MPPED2: variants seen among roughly 807,000 people sequenced by gnomAD.
The protein encoded by MPPED2 is metallophosphoesterase MPPED2.
MPPED2 carries 5 observed loss-of-function variants against 33.0 expected under a neutral mutation model. The ratio of observed to expected loss-of-function variants is 0.15; its 90% CI spans 0.08 to 0.32. The LOEUF (loss-of-function observed/expected upper bound fraction) is 0.32, where lower values mean the gene tolerates loss of function less well. Ranked by LOEUF, MPPED2 falls within the 10% of genes least tolerant of loss-of-function variation. The pLI, the probability that MPPED2 is intolerant of heterozygous loss-of-function variation, is 1.00. For synonymous variants in MPPED2, 136 were observed against 141.9 expected (o/e 0.96, Z 0.29); for missense variants, 275 against 372.1 (o/e 0.74, Z 2.15).
intron 2 of MPPED2, among the ~76,000 whole-genome samples, chr11:30,572,438 A>C (rs146567186): frequency 3.9e-5 from 6 of 152,282 alleles, no homozygotes; most frequent in African/African-American, 7.2e-5. Flanking sequence ...TTTAAGAATA[A>C]ATGAGAGAAG....
intron 4 of MPPED2, among the ~76,000 whole-genome samples, chr11:30,422,354 C>A (rs1948650507): frequency 6.6e-6 from 1 of 152,082 alleles, no homozygotes; most frequent in Non-Finnish European, 1.5e-5. Flanking sequence ...TCTAAAAATC[C>A]TAATATTTTA....
intron 6 of MPPED2, among the ~76,000 whole-genome samples, chr11:30,403,038 G>T (rs1008838157): frequency 6.6e-6 from 1 of 152,186 alleles, no homozygotes; most frequent in Non-Finnish European, 1.5e-5. Context: ...AAGGTCAGGA[G>T]ATCGAGACCA....
At chr11:30,397,601 A>T (rs776610028) in intron 6 of MPPED2, among the ~76,000 whole-genome samples, 5 of 152,154 alleles carry the variant, frequency 3.3e-5, no homozygotes, top group Non-Finnish European at 7.4e-5. Context: ...TAAATGCTTG[A>T]TAGTAGTAGC....
rs1394369711 is a variant in MPPED2, at chr11:30,580,351, T to C, written c.23A>G (p.Gln8Arg). The stretch of plus-strand genomic sequence containing the variant: ...ATCCACCGTTATGGTAACTTTGCCT[T>C]GAGAAGGAATCCCATGTGCCATCCT... MAHGIPS[Q>R]GKVTITVDEY... The change falls in exon 2 of 7, where the codon CAA becomes CGA. Residue 8 changes from glutamine to arginine, a missense_variant. By Grantham distance (43) the Gln-to-Arg change is conservative. Transcript: ENST00000358117. 2 of 1,614,048 alleles carry C rather than the reference T, an allele frequency of 1.2e-6. No homozygotes were observed. The highest frequency in any genetic ancestry group is 1.7e-5 in the Admixed American group (1 of 60,024).
intron 4 of MPPED2, among the ~76,000 whole-genome samples, chr11:30,485,667 T>A (rs1309533435): frequency 6.6e-6 from 1 of 152,172 alleles, no homozygotes; most frequent in Non-Finnish European, 1.5e-5. Context: ...AGAAGTTTTG[T>A]AGCCTAAGGA....
intron 2 of MPPED2, among the ~76,000 whole-genome samples, chr11:30,557,197 G>A (rs1322094079): frequency 2.9e-5 from 4 of 140,080 alleles, no homozygotes; most frequent in Middle Eastern, 6.8e-3. Flanking sequence ...AAGAATGACT[G>A]TGCCAAATAA....
At chr11:30,478,810 A>C (rs1160982474) in intron 4 of MPPED2, among the ~76,000 whole-genome samples, 2 of 152,118 alleles carry the variant, frequency 1.3e-5, no homozygotes, top group African/African-American at 4.8e-5. Flanking sequence ...ACAACGAAAC[A>C]CCTTAAATAA....
At chr11:30,391,964 C>A (rs569280198) in intron 6 of MPPED2, among the ~76,000 whole-genome samples, 2 of 152,178 alleles carry the variant, frequency 1.3e-5, no homozygotes, top group African/African-American at 4.8e-5. Flanking sequence ...AATTACCTCT[C>A]TAAGCCTCAG....
chr11:30,391,962 C>A (rs1947783597), intron 6 of MPPED2, among the ~76,000 whole-genome samples: 1 of 152,196 alleles, frequency 6.6e-6, no homozygotes, highest in African/African-American at 2.4e-5. Flanking sequence ...CAAATTACCT[C>A]TCTAAGCCTC....
At chr11:30,385,783 G>A (rs560120513) in exon 7 of MPPED2, 28 of 152,138 alleles carry the variant, frequency 1.8e-4, no homozygotes, top group African/African-American at 6.3e-4. Flanking sequence ...AGGTCTTCAA[G>A]TGGCTGCCTC....
chr11:30,536,300 G>T (rs1565162736), intron 2 of MPPED2, 125 bp from the exon 3 acceptor site: 1 of 791,620 alleles, frequency 1.3e-6, no homozygotes. Flanking sequence ...AGGCAGAAGG[G>T]CCCACTGTAA....
chr11:30,460,671 A>T (rs1489318503), intron 4 of MPPED2, among the ~76,000 whole-genome samples: 2 of 152,184 alleles, frequency 1.3e-5, no homozygotes, highest in African/African-American at 4.8e-5. Context: ...TAAAATTTTT[A>T]ATTTTAAATT....
chr11:30,481,966 T>C (rs1355350620), intron 4 of MPPED2, among the ~76,000 whole-genome samples: 4 of 152,128 alleles, frequency 2.6e-5, no homozygotes, highest in Non-Finnish European at 5.9e-5. Flanking sequence ...CTGTGAAATA[T>C]GTACATATGT....
intron 3 of MPPED2, among the ~76,000 whole-genome samples, chr11:30,531,907 G>A (rs762820224): frequency 2.6e-5 from 4 of 152,208 alleles, no homozygotes; most frequent in Non-Finnish European, 4.4e-5. Context: ...GTTTTACCCA[G>A]GATGTAGTTC....
At chr11:30,427,081 T>C (rs1171458486) in intron 4 of MPPED2, among the ~76,000 whole-genome samples, 2 of 152,186 alleles carry the variant, frequency 1.3e-5, no homozygotes, top group Admixed American at 1.3e-4. Context: ...CTGTGCCTCC[T>C]CTTCCCCATC....
intron 4 of MPPED2, among the ~76,000 whole-genome samples, chr11:30,461,544 C>T (rs1310497026): frequency 3.9e-5 from 6 of 152,132 alleles, no homozygotes; most frequent in Non-Finnish European, 7.3e-5. Flanking sequence ...TCCGTAGCTG[C>T]TGTGACTCAA....
At chr11:30,388,150 A>G (rs1269677779) in exon 7 of MPPED2, 1 of 152,456 alleles carries the variant, frequency 6.6e-6, no homozygotes. Flanking sequence ...CTATTAGAAG[A>G]TAAGCTTTGT....
chr11:30,390,257 C>T (rs1174889194), intron 6 of MPPED2, among the ~76,000 whole-genome samples: 2 of 152,206 alleles, frequency 1.3e-5, no homozygotes, highest in Non-Finnish European at 2.9e-5. Context: ...TCCCCTCTAA[C>T]AGTTTCTTTG....
intron 3 of MPPED2, among the ~76,000 whole-genome samples, chr11:30,516,564 A>T (rs948282502): frequency 5.9e-5 from 9 of 152,172 alleles, no homozygotes; most frequent in African/African-American, 1.7e-4. Flanking sequence ...TGCAATAAAG[A>T]AAATAAAGAC....
Sources: allele counts gnomAD v4.1 joint callset (sites outside exome capture counted in the v4.1 genomes callset), GRCh38; gene constraint gnomAD v4.1.1; transcripts MANE v1.5; gene names NCBI Gene and HGNC (gene_info 2026-07-23, HGNC 2026-07-21).